The following ACCSL variants were observed in gnomAD, a reference collection of about 807,000 sequenced individuals.
ACCSL encodes 1-aminocyclopropane-1-carboxylate synthase homolog (inactive) like.
A neutral mutation model predicts 61.7 loss-of-function variants in ACCSL; 55 were observed. That is an observed-to-expected ratio of 0.89 (90% CI 0.72 to 1.12). The LOEUF (loss-of-function observed/expected upper bound fraction) is 1.12. Ranked by LOEUF, ACCSL falls within the 50% of genes most tolerant of loss-of-function variation. The probability of loss-of-function intolerance (pLI) is 0.00; values close to 1 mark genes in which losing one functional copy is unlikely to be tolerated. For missense variants in ACCSL, 632 were observed against 698.0 expected (o/e 0.91, Z 1.07); for synonymous variants, 258 against 264.3 (o/e 0.98, Z 0.23).
At chr11:44,002,310 C>T in the ACCSL span, among the ~76,000 whole-genome samples, 8,344 of 152,194 alleles carry the variant, frequency 0.055, 281 homozygotes, top group Middle Eastern at 0.099. Context: ...GATGCCACCT[C>T]GCCCCACCCC....
chr11:43,984,530 T>C, the ACCSL span, among the ~76,000 whole-genome samples: 79 of 152,258 alleles, frequency 5.2e-4, 1 homozygote, highest in African/African-American at 1.9e-3. Context: ...CACATATGCT[T>C]GACAATGACC....
At chr11:44,040,062 T>C in the ACCSL span, among the ~76,000 whole-genome samples, 1 of 152,242 alleles carries the variant, frequency 6.6e-6, no homozygotes, top group African/African-American at 2.4e-5. Context: ...CAGGGGGGCC[T>C]GGGCAGATTG....
At chr11:43,952,882 G>A in the ACCSL span, among the ~76,000 whole-genome samples, 1 of 152,160 alleles carries the variant, frequency 6.6e-6, no homozygotes, top group Non-Finnish European at 1.5e-5. Context: ...ATGGGAAAAG[G>A]AGGATCTCCC....
At chr11:43,961,690 A>G in the ACCSL span, among the ~76,000 whole-genome samples, 2 of 140,390 alleles carry the variant, frequency 1.4e-5, no homozygotes, top group Admixed American at 7.3e-5. Flanking sequence ...TTCTTTGGTC[A>G]TATTGTTTTG....
At chr11:43,987,683 C>T in the ACCSL span, among the ~76,000 whole-genome samples, 1 of 152,222 alleles carries the variant, frequency 6.6e-6, no homozygotes, top group South Asian at 2.1e-4. Flanking sequence ...CAGGCCAGGT[C>T]CAGTGACTGT....
the ACCSL span, among the ~76,000 whole-genome samples, chr11:44,029,481 A>C: frequency 1.9e-4 from 29 of 152,346 alleles, no homozygotes; most frequent in East Asian, 5.0e-3. Context: ...TGCCTGGTGC[A>C]GAGTAGGTGC....
chr11:43,962,936 A>G, the ACCSL span, among the ~76,000 whole-genome samples: 1 of 152,196 alleles, frequency 6.6e-6, no homozygotes, highest in Non-Finnish European at 1.5e-5. Context: ...TGGCAGGGGA[A>G]GATGTTCTGC....
chr11:43,972,337 T>G, the ACCSL span, among the ~76,000 whole-genome samples: 186 of 152,340 alleles, frequency 1.2e-3, 1 homozygote, highest in Non-Finnish European at 1.7e-3. Context: ...CTCACTCAGT[T>G]TTTATTCCCA....
intron 6 of ACCSL, 101 bp downstream of exon 6, chr11:44,052,860 G>A (rs1021905391): frequency 1.0e-5 from 15 of 1,458,878 alleles, no homozygotes; most frequent in Non-Finnish European, 1.9e-6. Context: ...CATCTAAGTG[G>A]TTGGGTAGGG....
the ACCSL span, among the ~76,000 whole-genome samples, chr11:43,958,862 G>T: frequency 6.6e-6 from 1 of 152,238 alleles, no homozygotes; most frequent in South Asian, 2.1e-4. Flanking sequence ...GCCAACAGGG[G>T]GTCAACTGGG....
the ACCSL span, chr11:44,001,178 G>A: frequency 7.2e-5 from 11 of 152,076 alleles, no homozygotes; most frequent in Admixed American, 6.6e-4. Context: ...CTTGTGGGGA[G>A]GACAGAAACA....
chr11:44,039,676 C>A, the ACCSL span, among the ~76,000 whole-genome samples: 1 of 152,230 alleles, frequency 6.6e-6, no homozygotes, highest in Non-Finnish European at 1.5e-5. Context: ...ATAAAATGCA[C>A]ATTCCTGGGT....
chr11:43,961,889 A>G, the ACCSL span, among the ~76,000 whole-genome samples: 2 of 152,230 alleles, frequency 1.3e-5, no homozygotes, highest in Non-Finnish European at 1.5e-5. Context: ...TTATTTACAT[A>G]GGGCGTACCC....
the ACCSL span, among the ~76,000 whole-genome samples, chr11:43,956,880 T>A: frequency 1.3e-5 from 2 of 151,766 alleles, no homozygotes; most frequent in East Asian, 3.9e-4. Flanking sequence ...GCCTCCCAGG[T>A]GGTTTAGTAT....
chr11:43,970,057 T>C, the ACCSL span, among the ~76,000 whole-genome samples: 1 of 152,066 alleles, frequency 6.6e-6, no homozygotes, highest in African/African-American at 2.4e-5. Flanking sequence ...TAGCTCAAGC[T>C]TGTAATCCCA....
the ACCSL span, among the ~76,000 whole-genome samples, chr11:44,024,738 T>A: frequency 1.2e-4 from 19 of 152,228 alleles, no homozygotes; most frequent in African/African-American, 4.6e-4. Context: ...TTCTATTCCA[T>A]TGCTGGTGAT....
the ACCSL span, among the ~76,000 whole-genome samples, chr11:44,034,524 G>A: frequency 1.3e-5 from 2 of 149,006 alleles, no homozygotes; most frequent in African/African-American, 5.0e-5. Flanking sequence ...CAATCATGGT[G>A]GAAGGCAAAA....
the ACCSL span, among the ~76,000 whole-genome samples, chr11:44,019,256 G>A: frequency 6.4e-4 from 97 of 152,302 alleles, 1 homozygote; most frequent in African/African-American, 2.3e-3. Flanking sequence ...ACAAGTGTTT[G>A]CCTGCACATA....
chr11:43,974,743 G>A, the ACCSL span, among the ~76,000 whole-genome samples: 65 of 152,302 alleles, frequency 4.3e-4, no homozygotes, highest in Middle Eastern at 6.8e-3. Flanking sequence ...AGAGGTCCAC[G>A]TGGTAGAAAT....
Sources: allele counts gnomAD v4.1 joint callset (sites outside exome capture counted in the v4.1 genomes callset), GRCh38; gene constraint gnomAD v4.1.1; transcripts MANE v1.5; gene names NCBI Gene and HGNC (gene_info 2026-07-23, HGNC 2026-07-21).